Variants in NCAM2 observed in about 807,000 individuals in gnomAD.
NCAM2 encodes the protein N-CAM-2.
NCAM2 carries 30 observed loss-of-function variants against 98.1 expected under a neutral mutation model. The ratio of observed to expected loss-of-function variants is 0.31; its 90% CI spans 0.23 to 0.41. The LOEUF is 0.41. NCAM2 is among the 10% of genes least tolerant of loss of function. The probability of loss-of-function intolerance (pLI) is 1.00; values close to 1 mark genes in which losing one functional copy is unlikely to be tolerated. For synonymous variants in NCAM2, 368 were observed against 342.4 expected (o/e 1.07, Z -0.83); for missense variants, 867 against 1,005.8 (o/e 0.86, Z 1.87).
intron 1 of NCAM2, among the ~76,000 whole-genome samples, chr21:21,180,042 G>C (rs2068419477): frequency 6.6e-6 from 1 of 152,170 alleles, no homozygotes; most frequent in Non-Finnish European, 1.5e-5. Flanking sequence ...TGCCATCTGG[G>C]AGATCAGCTG....
In NCAM2 at chr21:21,209,539, G is replaced by C. The variant is rs559994853; in HGVS notation, c.56-71039G>C. 2.0e-5 allele frequency among the ~76,000 whole-genome samples: 3 copies of C among 152,180 alleles called. No homozygotes were observed. In the South Asian group the frequency reaches 6.2e-4, roughly 32 times the overall value. On this transcript the variant is annotated intron_variant, in intron 1 of 17. Transcript: ENST00000400546. ...ATAGTGAGGCATCTGGTATGGGTGG[G>C]AGCTTGTGCTGGTCACATGAGGCAG...
At chr21:21,213,283 CGTT>C (rs1476336427) in intron 1 of NCAM2, among the ~76,000 whole-genome samples, 1 of 151,978 alleles carries the variant, frequency 6.6e-6, no homozygotes, top group South Asian at 2.1e-4. Context: ...TAACTTCTAA[CGTT>C]AATACTAAGT....
intron 12 of NCAM2, among the ~76,000 whole-genome samples, chr21:21,442,534 G>T (rs57406477): frequency 6.6e-6 from 1 of 152,090 alleles, no homozygotes; most frequent in African/African-American, 2.4e-5. Context: ...CTTTAATCCC[G>T]TAGAAATACC....
At chr21:21,243,038 A>T (rs1399952788) in intron 1 of NCAM2, among the ~76,000 whole-genome samples, 1 of 10 alleles carries the variant, frequency 0.1, no homozygotes, top group African/African-American at 0.25. Flanking sequence ...AAGGTTTCAT[A>T]AAATAATTAA....
intron 1 of NCAM2, among the ~76,000 whole-genome samples, chr21:21,162,032 A>T (rs2067801332): frequency 6.6e-6 from 1 of 152,082 alleles, no homozygotes; most frequent in African/African-American, 2.4e-5. Flanking sequence ...AGGATTTTTG[A>T]CAAAAGGGAT....
chr21:21,258,841 G>A (rs1326639884), intron 1 of NCAM2, among the ~76,000 whole-genome samples: 1 of 152,082 alleles, frequency 6.6e-6, no homozygotes, highest in Admixed American at 6.5e-5. Context: ...GAGTGCCTGC[G>A]GAGCTGCAGG....
At chr21:21,370,005 T>C (rs753939664) in intron 8 of NCAM2, among the ~76,000 whole-genome samples, 2 of 151,814 alleles carry the variant, frequency 1.3e-5, no homozygotes, top group African/African-American at 2.4e-5. Context: ...AAGTTTGAGC[T>C]AATATGCTGC....
chr21:21,291,165 T>A (rs1402288430), intron 4 of NCAM2, among the ~76,000 whole-genome samples: 8 of 151,856 alleles, frequency 5.3e-5, no homozygotes, highest in Admixed American at 5.3e-4. Flanking sequence ...TTCATCAAAG[T>A]GTCTTATATA....
At chr21:21,193,283 A>G (rs1221788916) in intron 1 of NCAM2, among the ~76,000 whole-genome samples, 2 of 151,982 alleles carry the variant, frequency 1.3e-5, no homozygotes, top group African/African-American at 4.8e-5. Flanking sequence ...CTTTTTTAAT[A>G]TATAATAAAT....
chr21:21,140,254 A>T (rs923894781), intron 1 of NCAM2, among the ~76,000 whole-genome samples: 2 of 152,208 alleles, frequency 1.3e-5, no homozygotes, highest in African/African-American at 4.8e-5. Flanking sequence ...GACACTGGAA[A>T]TTTAAACACA....
At chr21:21,079,958 A>G (rs187779846) in intron 1 of NCAM2, among the ~76,000 whole-genome samples, 4 of 152,186 alleles carry the variant, frequency 2.6e-5, no homozygotes, top group Non-Finnish European at 5.9e-5. Context: ...GCCTGGAACA[A>G]TCATGCTTTT....
At chr21:21,070,509 G>T (rs916998241) in intron 1 of NCAM2, among the ~76,000 whole-genome samples, 1 of 151,936 alleles carries the variant, frequency 6.6e-6, no homozygotes, top group Non-Finnish European at 1.5e-5. Context: ...GAGGAAGAGG[G>T]GGGTGAAATG....
intron 1 of NCAM2, among the ~76,000 whole-genome samples, chr21:21,100,653 A>G (rs927133523): frequency 6.6e-6 from 1 of 152,066 alleles, no homozygotes; most frequent in Non-Finnish European, 1.5e-5. Flanking sequence ...AATTTCTAAC[A>G]CTTGAGTCTA....
rs542762258 is a variant in NCAM2, at chr21:21,044,010, G to A, written c.55+45392G>A. On this transcript the variant is annotated intron_variant, in intron 1 of 17. Transcript: ENST00000400546. ...AATTGGTTTTTTAATCATTTTAGCT[G>A]TAGAAATCATTTTATTTGAAGACTT... Among the ~76,000 whole-genome samples, 10 of 149,304 alleles carry A rather than the reference G, an allele frequency of 6.7e-5. No homozygotes were observed. The South Asian group carries it at 1.5e-3, about 23-fold the overall frequency.
chr21:21,240,382 A>G (rs2071017629), intron 1 of NCAM2, among the ~76,000 whole-genome samples: 1 of 152,070 alleles, frequency 6.6e-6, no homozygotes, highest in Non-Finnish European at 1.5e-5. Context: ...TAAAAAAAAA[A>G]AAAGCAAAAA....
chr21:21,410,562 A>C, intron 10 of NCAM2, 101 bp downstream of exon 10: 1 of 586,522 alleles, frequency 1.7e-6, no homozygotes, highest in Non-Finnish European at 2.6e-6. Context: ...TATATATAAT[A>C]AGAGAGAGAA....
chr21:21,394,613 A>T (rs913729735), intron 9 of NCAM2, among the ~76,000 whole-genome samples: 1 of 149,640 alleles, frequency 6.7e-6, no homozygotes, highest in Non-Finnish European at 1.5e-5. Context: ...CTCAGCCTCC[A>T]GAGTAGCTGG....
chr21:21,458,809 A>C (rs989587163), intron 12 of NCAM2, among the ~76,000 whole-genome samples: 9 of 152,154 alleles, frequency 5.9e-5, no homozygotes, highest in African/African-American at 2.2e-4. Flanking sequence ...TGCATATGAC[A>C]CCCAAAGCCT....
intron 10 of NCAM2, among the ~76,000 whole-genome samples, chr21:21,412,328 A>T (rs1190449304): frequency 6.6e-6 from 1 of 152,092 alleles, no homozygotes; most frequent in Non-Finnish European, 1.5e-5. Flanking sequence ...GTTTAACCTT[A>T]ATTACCTTCT....
Sources: gnomAD v4.1 joint callset for allele counts (sites outside exome capture counted in the v4.1 genomes callset) on GRCh38, gnomAD v4.1.1 for gene constraint, MANE v1.5 for transcripts, NCBI Gene and HGNC (gene_info 2026-07-23, HGNC 2026-07-21) for gene names.